The following LDAH variants were observed in gnomAD, a reference collection of about 807,000 sequenced individuals.
LDAH encodes lipid droplet associated hydrolase.
LDAH carries 26 observed loss-of-function variants against 29.6 expected under a neutral mutation model. That is an observed-to-expected ratio of 0.88 (90% CI 0.64 to 1.22). The LOEUF is 1.22. Ranked by LOEUF, LDAH falls within the 50% of genes most tolerant of loss-of-function variation. The probability of loss-of-function intolerance (pLI) is 0.00; values close to 1 mark genes in which losing one functional copy is unlikely to be tolerated. For missense variants in LDAH, 344 were observed against 387.3 expected (o/e 0.89, Z 0.94); for synonymous variants, 117 against 133.0 (o/e 0.88, Z 0.83).
chr2:20,819,023 G>C (rs773213970), intron 1 of LDAH, among the ~76,000 whole-genome samples: 1 of 152,110 alleles, frequency 6.6e-6, no homozygotes, highest in Non-Finnish European at 1.5e-5. Context: ...TTAAATCTGT[G>C]CAAGTGGGCC....
Position 20,752,753 on chromosome 2 carries a change from T to C in LDAH, c.469-12548A>G, listed in dbSNP as rs75945539. ...CCAAATCAGTATCACTGGGCTGAAA[T>C]AAAGATGCCCTGGCTGCACTGTGTC... is the stretch of plus-strand genomic sequence containing the variant. On this transcript the variant is annotated intron_variant, in intron 4 of 6. Coordinates refer to ENST00000237822, the MANE Select transcript of LDAH (RefSeq NM_021925.4). 4.8e-4 allele frequency among the ~76,000 whole-genome samples: 73 copies of C among 152,332 alleles called. No homozygotes were observed. In the East Asian group the frequency reaches 0.014, roughly 29 times the overall value.
chr2:20,782,480 C>T (rs183562746), intron 3 of LDAH, among the ~76,000 whole-genome samples: 14 of 152,234 alleles, frequency 9.2e-5, no homozygotes, highest in African/African-American at 2.4e-4. Flanking sequence ...AGGATATTGA[C>T]CTATACTTTT....
intron 5 of LDAH, among the ~76,000 whole-genome samples, chr2:20,710,340 G>A (rs1247864634): frequency 1.3e-5 from 2 of 151,762 alleles, no homozygotes; most frequent in Non-Finnish European, 2.9e-5. Context: ...TGGACAAAAT[G>A]GACAAAGTCT....
intron 5 of LDAH, among the ~76,000 whole-genome samples, chr2:20,710,032 A>C (rs191863343): frequency 3.5e-4 from 54 of 152,300 alleles, no homozygotes; most frequent in Non-Finnish European, 7.1e-4. Flanking sequence ...AGAGCAGTTA[A>C]CTCTGAAGTA....
chr2:20,745,006 G>A (rs1223911558), intron 4 of LDAH, among the ~76,000 whole-genome samples: 2 of 152,084 alleles, frequency 1.3e-5, no homozygotes, highest in African/African-American at 2.4e-5. Context: ...TCCTGGGTCC[G>A]ATAAGAATTG....
At chr2:20,748,268 T>C (rs1418077456) in intron 4 of LDAH, among the ~76,000 whole-genome samples, 1 of 152,176 alleles carries the variant, frequency 6.6e-6, no homozygotes, top group African/African-American at 2.4e-5. Flanking sequence ...GCAGAGATTT[T>C]TCTACACTTT....
intron 4 of LDAH, among the ~76,000 whole-genome samples, chr2:20,746,469 C>CA (rs949593165): frequency 6.6e-5 from 10 of 152,150 alleles, no homozygotes; most frequent in African/African-American, 2.4e-4. Context: ...TTGAATGCGT[C>CA]ACTGCCTTGT....
chr2:20,772,905 A>T (rs1669530865), intron 4 of LDAH, among the ~76,000 whole-genome samples: 1 of 152,248 alleles, frequency 6.6e-6, no homozygotes. Flanking sequence ...AAGCCTTCAG[A>T]TAAAACTGTA....
intron 5 of LDAH, among the ~76,000 whole-genome samples, chr2:20,730,726 T>G (rs537141710): frequency 1.2e-3 from 170 of 144,484 alleles, no homozygotes; most frequent in African/African-American, 4.8e-3. Flanking sequence ...CTTCTCTCCT[T>G]CTCCTTCTCC....
chr2:20,770,358 C>T (rs528824744), intron 4 of LDAH, among the ~76,000 whole-genome samples: 19 of 152,048 alleles, frequency 1.2e-4, no homozygotes, highest in Admixed American at 6.5e-4. Context: ...TGATATCCTT[C>T]GAAGAGGAGA....
At chr2:20,803,096 G>A (rs1487142301) in intron 1 of LDAH, among the ~76,000 whole-genome samples, 1 of 152,094 alleles carries the variant, frequency 6.6e-6, no homozygotes, top group African/African-American at 2.4e-5. Flanking sequence ...TCATAACTTG[G>A]GGAACTACTG....
At chr2:20,710,512 A>G (rs1231844429) in intron 5 of LDAH, among the ~76,000 whole-genome samples, 1 of 150,964 alleles carries the variant, frequency 6.6e-6, no homozygotes, top group East Asian at 1.9e-4. Flanking sequence ...TTAAGGAAGA[A>G]ATATTGATTC....
At position 20,705,869 on chromosome 2, in the gene LDAH, G is replaced by A. The variant is rs140604089; in HGVS notation, c.704-4217C>T. 9.8e-3 allele frequency among the ~76,000 whole-genome samples: 1,496 copies of A among 151,992 alleles called. 33 individuals carry two copies. The highest frequency in any genetic ancestry group is 0.034 in the African/African-American group (1,419 of 41,436). On this transcript the variant is annotated intron_variant, in intron 5 of 6. Transcript: ENST00000237822. The stretch of plus-strand genomic sequence containing the variant: ...GTCTTAGTTTTCACATAGTTATACC[G>A]CATATGAAATTTAAAATTTTGCCTC...
At chr2:20,803,767 G>A (rs777502318) in intron 1 of LDAH, among the ~76,000 whole-genome samples, 5 of 152,110 alleles carry the variant, frequency 3.3e-5, no homozygotes, top group Admixed American at 6.5e-5. Flanking sequence ...TTTCAATTCC[G>A]TCCTTCATTG....
Position 20,743,241 on chromosome 2 carries a change from T to TA in LDAH, c.469-3037dup, listed in dbSNP as rs572063718. On this transcript the variant is annotated intron_variant, in intron 4 of 6. Coordinates refer to ENST00000237822, the MANE Select transcript of LDAH (RefSeq NM_021925.4). ...CCTTTCTTAGCATGTCAGTTATACTTAAAAAAAAAAAATTCTTCTAGTGGT... is the reference window on the plus strand; with the variant it reads ...CCTTTCTTAGCATGTCAGTTATACTTAAAAAAAAAAAAATTCTTCTAGTGGT... 1.1e-3 allele frequency among the ~76,000 whole-genome samples: 168 copies of TA among 147,172 alleles called. No individual in the cohort carries two copies. In the South Asian group the frequency reaches 0.02, roughly 17 times the overall value.
chr2:20,702,784 A>G (rs1448335379), intron 5 of LDAH, among the ~76,000 whole-genome samples: 1 of 152,128 alleles, frequency 6.6e-6, no homozygotes, highest in Non-Finnish European at 1.5e-5. Flanking sequence ...CCTTCCTCCC[A>G]TCCTGCCTCC....
intron 5 of LDAH, 92 bp from the exon 6 acceptor site, chr2:20,701,744 CT>C (rs1663956544): frequency 1.7e-6 from 2 of 1,171,934 alleles, no homozygotes. Flanking sequence ...TTCCTCCTTT[CT>C]TTTGGCACGT....
chr2:20,778,221 T>A (rs886574095), intron 3 of LDAH, among the ~76,000 whole-genome samples: 1 of 152,166 alleles, frequency 6.6e-6, no homozygotes. Context: ...AGCCCCAATA[T>A]CATATTGACA....
At chr2:20,729,582 C>T (rs913869168) in intron 5 of LDAH, among the ~76,000 whole-genome samples, 10 of 152,098 alleles carry the variant, frequency 6.6e-5, no homozygotes, top group Admixed American at 4.6e-4. Flanking sequence ...TAATTCAGGC[C>T]GTCAGGATGA....
Sources: gnomAD v4.1 joint callset for allele counts (sites outside exome capture counted in the v4.1 genomes callset) on GRCh38, gnomAD v4.1.1 for gene constraint, MANE v1.5 for transcripts, NCBI Gene and HGNC (gene_info 2026-07-23, HGNC 2026-07-21) for gene names.